NCKAP5: variants seen among roughly 807,000 people sequenced by gnomAD.
NCKAP5 encodes NCK associated protein 5.
Under a neutral mutation model 167.0 loss-of-function variants are expected in NCKAP5, and 92 were observed. That is an observed-to-expected ratio of 0.55 (90% CI 0.47 to 0.66). NCKAP5 has a LOEUF of 0.66. Among genes scored for constraint, NCKAP5 ranks in the 30% least tolerant of loss-of-function variants. The pLI is 0.00. For synonymous variants in NCKAP5, 891 were observed against 877.4 expected, an observed-to-expected ratio of 1.02 and a Z score of -0.27; for missense variants, 2,378 against 2,315.0, an observed-to-expected ratio of 1.03 and a Z score of -0.56.
chr2:132,847,824 T>C (rs1457919088), intron 11 of NCKAP5, among the ~76,000 whole-genome samples: 1 of 152,176 alleles, frequency 6.6e-6, no homozygotes, highest in Non-Finnish European at 1.5e-5. Flanking sequence ...GTTTAAACTC[T>C]TGAAAAGATA....
At chr2:132,868,633 TCAC>T (rs1558878012) in intron 10 of NCKAP5, among the ~76,000 whole-genome samples, 2 of 152,156 alleles carry the variant, frequency 1.3e-5, no homozygotes, top group Non-Finnish European at 2.9e-5. Flanking sequence ...TTGGGAGAAT[TCAC>T]CAACTTATTG....
At position 132,957,073 on chromosome 2, in the gene NCKAP5, A is replaced by G. The variant is rs186951180; in HGVS notation, c.579+6647T>C. On this transcript the variant is annotated intron_variant, in intron 8 of 19. Coordinates refer to ENST00000409261, the MANE Select transcript of NCKAP5 (RefSeq NM_207363.3). ...CTGTATGCTGATGACTCTCAAATCC[A>G]TATCTCTAGCCCTGACCTGAACTTT... 1.0e-3 allele frequency among the ~76,000 whole-genome samples: 152 copies of G among 152,254 alleles called. 5 individuals carry two copies. The East Asian group carries it at 0.012, about 12-fold the overall frequency.
At chr2:132,873,332 C>G (rs1396458326) in intron 9 of NCKAP5, among the ~76,000 whole-genome samples, 1 of 152,064 alleles carries the variant, frequency 6.6e-6, no homozygotes, top group Non-Finnish European at 1.5e-5. Context: ...CCAGGATGGT[C>G]TCGATCTCCT....
At chr2:133,203,716 C>T (rs1315134896) in intron 5 of NCKAP5, among the ~76,000 whole-genome samples, 2 of 152,068 alleles carry the variant, frequency 1.3e-5, no homozygotes, top group African/African-American at 4.8e-5. Flanking sequence ...CTGGAGTCAG[C>T]AGGGGTTACC....
the NCKAP5 span, among the ~76,000 whole-genome samples, chr2:133,585,733 A>G: frequency 6.6e-6 from 1 of 152,208 alleles, no homozygotes; most frequent in South Asian, 2.1e-4. Context: ...TGCATTATTC[A>G]TGCTCTTTTA....
chr2:132,781,906 C>T (rs757057318), intron 14 of NCKAP5, 34 bp downstream of exon 14: 1 of 1,579,802 alleles, frequency 6.3e-7, no homozygotes, highest in Non-Finnish European at 8.6e-7. Flanking sequence ...GGAGGGACCC[C>T]TCTACATTGC....
chr2:132,979,462 A>C (rs757959770), intron 7 of NCKAP5, among the ~76,000 whole-genome samples: 1 of 151,970 alleles, frequency 6.6e-6, no homozygotes, highest in Non-Finnish European at 1.5e-5. Flanking sequence ...TTGCTGCCCC[A>C]TGCCTACTTC....
intron 8 of NCKAP5, among the ~76,000 whole-genome samples, chr2:132,934,282 C>A (rs145116419): frequency 6.6e-6 from 1 of 152,234 alleles, no homozygotes; most frequent in East Asian, 1.9e-4. Flanking sequence ...TAATAACAAT[C>A]ACTATATGGA....
chr2:133,037,971 C>T (rs140456926), intron 6 of NCKAP5, among the ~76,000 whole-genome samples: 33 of 152,076 alleles, frequency 2.2e-4, no homozygotes, highest in East Asian at 7.7e-4. Context: ...TAATAACAAA[C>T]GCTGGTGAGG....
At chr2:133,121,466 C>G (rs996432087) in intron 6 of NCKAP5, among the ~76,000 whole-genome samples, 1 of 151,960 alleles carries the variant, frequency 6.6e-6, no homozygotes, top group Non-Finnish European at 1.5e-5. Context: ...TCTGGGTGGC[C>G]GGCAGAGTCT....
At chr2:132,913,808 A>T (rs1694645251) in intron 8 of NCKAP5, among the ~76,000 whole-genome samples, 1 of 152,200 alleles carries the variant, frequency 6.6e-6, no homozygotes, top group Non-Finnish European at 1.5e-5. Flanking sequence ...CAGGGCTCAT[A>T]TTGAAGTGCA....
At chr2:133,041,375 T>G (rs996648128) in intron 6 of NCKAP5, among the ~76,000 whole-genome samples, 1 of 152,156 alleles carries the variant, frequency 6.6e-6, no homozygotes, top group African/African-American at 2.4e-5. Flanking sequence ...CTACTTCAGT[T>G]AGAATTCTGA....
chr2:132,875,588 T>G (rs1574487621), intron 9 of NCKAP5, among the ~76,000 whole-genome samples: 1 of 152,290 alleles, frequency 6.6e-6, no homozygotes, highest in Admixed American at 6.5e-5. Context: ...TGCCATGCAG[T>G]GGTTTTGGAT....
intron 3 of NCKAP5, among the ~76,000 whole-genome samples, chr2:133,477,577 C>A (rs777599322): frequency 3.3e-5 from 5 of 152,154 alleles, no homozygotes; most frequent in Non-Finnish European, 5.9e-5. Flanking sequence ...CACATACACA[C>A]CCATGATAGA....
the NCKAP5 span, among the ~76,000 whole-genome samples, chr2:133,665,834 T>C: frequency 6.6e-6 from 1 of 152,244 alleles, no homozygotes; most frequent in African/African-American, 2.4e-5. Context: ...AAAATCACTA[T>C]GTTAAATGGT....
chr2:132,893,246 T>G (rs1692869235), intron 8 of NCKAP5, among the ~76,000 whole-genome samples: 2 of 152,136 alleles, frequency 1.3e-5, no homozygotes, highest in Admixed American at 6.5e-5. Flanking sequence ...GATACTTTGG[T>G]TCAACTTGCT....
intron 8 of NCKAP5, among the ~76,000 whole-genome samples, chr2:132,887,329 A>G (rs561806910): frequency 3.8e-5 from 4 of 104,286 alleles, no homozygotes; most frequent in East Asian, 3.9e-4. Context: ...TTATCTATCT[A>G]TCTATCTATC....
At chr2:133,108,057 G>A (rs917680460) in intron 6 of NCKAP5, among the ~76,000 whole-genome samples, 2 of 152,116 alleles carry the variant, frequency 1.3e-5, no homozygotes, top group Admixed American at 1.3e-4. Flanking sequence ...TGACTCTTTG[G>A]AGATGATGAT....
At chr2:133,498,989 G>A (rs1682233810) in intron 3 of NCKAP5, among the ~76,000 whole-genome samples, 1 of 152,226 alleles carries the variant, frequency 6.6e-6, no homozygotes. Context: ...CTGAATCAAG[G>A]AACTGCTAAC....
Sources: gnomAD v4.1 joint callset for allele counts (sites outside exome capture counted in the v4.1 genomes callset) on GRCh38, gnomAD v4.1.1 for gene constraint, MANE v1.5 for transcripts, NCBI Gene and HGNC (gene_info 2026-07-23, HGNC 2026-07-21) for gene names.